Variants in CALN1 observed in about 807,000 individuals in gnomAD.
CALN1 encodes the protein calcium-binding protein 8.
A neutral mutation model predicts 30.6 loss-of-function variants in CALN1; 17 were observed. The ratio of observed to expected loss-of-function variants is 0.56; its 90% CI spans 0.38 to 0.83. CALN1 has a LOEUF of 0.83. Ranked by LOEUF, CALN1 falls within the 40% of genes least tolerant of loss-of-function variation. The pLI, the probability that CALN1 is intolerant of heterozygous loss-of-function variation, is 0.00. For missense variants in CALN1, 291 were observed against 354.9 expected, an observed-to-expected ratio of 0.82 and a Z score of 1.45; for synonymous variants, 156 against 131.4, an observed-to-expected ratio of 1.19 and a Z score of -1.28.
intron 4 of CALN1, among the ~76,000 whole-genome samples, chr7:72,039,619 C>T (rs770932264): frequency 1.3e-5 from 2 of 152,302 alleles, no homozygotes. Flanking sequence ...TCAGGGTCTC[C>T]CCCACCACCA....
intron 3 of CALN1, among the ~76,000 whole-genome samples, chr7:72,132,307 T>G (rs184044305): frequency 8.5e-4 from 129 of 152,220 alleles, no homozygotes; most frequent in Non-Finnish European, 1.5e-3. Flanking sequence ...TAAGGCCAAT[T>G]TTATAATAAA....
chr7:72,136,351 G>A (rs1809512046), intron 3 of CALN1, among the ~76,000 whole-genome samples: 1 of 152,086 alleles, frequency 6.6e-6, no homozygotes, highest in Non-Finnish European at 1.5e-5. Flanking sequence ...ACCTTTGCTA[G>A]CGTCAAACTT....
intron 2 of CALN1, among the ~76,000 whole-genome samples, chr7:72,332,675 G>A (rs1801754716): frequency 6.6e-6 from 1 of 152,214 alleles, no homozygotes; most frequent in Admixed American, 6.5e-5. Flanking sequence ...TGGTTCTTCA[G>A]GGATGTTCTT....
intron 3 of CALN1, among the ~76,000 whole-genome samples, chr7:72,264,608 C>T (rs563744474): frequency 3.9e-5 from 6 of 151,948 alleles, no homozygotes; most frequent in African/African-American, 1.4e-4. Context: ...TCAAGCAATT[C>T]TCCAGCCTCA....
At chr7:72,140,621 T>C (rs547970697) in intron 3 of CALN1, among the ~76,000 whole-genome samples, 2 of 152,358 alleles carry the variant, frequency 1.3e-5, no homozygotes, top group East Asian at 3.9e-4. Flanking sequence ...TCTGGGCCTA[T>C]GTGGCCTATG....
rs116246941 is a variant in CALN1, at chr7:72,356,459, G to A, written c.119+46792C>T. Reference sequence around the variant, plus strand: ...CTTTAGATACAACTTGTATTAAAGTGATAAATGTACTAATTTAGGATATAT... The same window carrying A: ...CTTTAGATACAACTTGTATTAAAGTAATAAATGTACTAATTTAGGATATAT... On this transcript the variant is annotated intron_variant, in intron 2 of 6. Transcript: ENST00000395275. 1.2e-3 allele frequency among the ~76,000 whole-genome samples: 187 copies of A among 152,066 alleles called. 6 individuals are homozygous for A. The highest frequency in any genetic ancestry group is 4.3e-3 in the African/African-American group (178 of 41,358).
intron 3 of CALN1, among the ~76,000 whole-genome samples, chr7:72,121,243 TTATAA>T (rs1808362191): frequency 7.1e-6 from 1 of 141,528 alleles, no homozygotes; most frequent in Non-Finnish European, 1.5e-5. Context: ...AATTAATATA[TTATAA>T]TACATATCTA....
chr7:72,136,370 C>T (rs1457628214), intron 3 of CALN1, among the ~76,000 whole-genome samples: 5 of 152,110 alleles, frequency 3.3e-5, no homozygotes, highest in African/African-American at 1.2e-4. Flanking sequence ...TTTTTTTCTG[C>T]AGCTTCCTTT....
At chr7:72,400,263 CTGATT>C (rs1562949069) in intron 2 of CALN1, among the ~76,000 whole-genome samples, 1 of 152,148 alleles carries the variant, frequency 6.6e-6, no homozygotes, top group Non-Finnish European at 1.5e-5. Context: ...TTGGGCACTA[CTGATT>C]TGATCTGGAG....
intron 1 of CALN1, among the ~76,000 whole-genome samples, chr7:72,404,193 C>T (rs929401724): frequency 2.0e-4 from 31 of 152,316 alleles, no homozygotes; most frequent in Admixed American, 2.0e-3. Context: ...TAAGGCACCC[C>T]TCGTCTCTGC....
chr7:72,063,919 A>C (rs1803838417), intron 4 of CALN1, among the ~76,000 whole-genome samples: 1 of 152,140 alleles, frequency 6.6e-6, no homozygotes, highest in South Asian at 2.1e-4. Flanking sequence ...AGGAATACTC[A>C]ACCTGCATAG....
the CALN1 span, among the ~76,000 whole-genome samples, chr7:72,467,097 C>T: frequency 6.6e-6 from 1 of 152,092 alleles, no homozygotes; most frequent in South Asian, 2.1e-4. Context: ...GCAGGCCCTG[C>T]AGCAGGTCTA....
At chr7:72,034,353 CAAAAA>C (rs34276736) in intron 4 of CALN1, among the ~76,000 whole-genome samples, 4 of 90,406 alleles carry the variant, frequency 4.4e-5, no homozygotes, top group Admixed American at 1.3e-4. Context: ...GACTCTGTCT[CAAAAA>C]AAAAAAAAAA....
chr7:72,410,872 C>G (rs910861949), intron 1 of CALN1, among the ~76,000 whole-genome samples: 2 of 152,152 alleles, frequency 1.3e-5, no homozygotes, highest in Non-Finnish European at 2.9e-5. Flanking sequence ...AGGATGTTTA[C>G]TATCTCTGCT....
At chr7:72,298,563 C>G (rs374330229) in intron 2 of CALN1, among the ~76,000 whole-genome samples, 114 of 152,238 alleles carry the variant, frequency 7.5e-4, no homozygotes, top group African/African-American at 2.7e-3. Flanking sequence ...TGATCAAAAG[C>G]TGAGGTTTCT....
At chr7:72,351,524 T>C (rs1396140236) in intron 2 of CALN1, among the ~76,000 whole-genome samples, 1 of 152,220 alleles carries the variant, frequency 6.6e-6, no homozygotes. Flanking sequence ...TTATAAGACA[T>C]GTATAAGTAA....
chr7:72,055,957 C>T (rs1803229705), intron 4 of CALN1, among the ~76,000 whole-genome samples: 1 of 152,174 alleles, frequency 6.6e-6, no homozygotes, highest in African/African-American at 2.4e-5. Flanking sequence ...GCAGCTGAGG[C>T]TGCAGTGAGC....
chr7:72,393,653 G>C (rs983724009), intron 2 of CALN1, among the ~76,000 whole-genome samples: 1 of 151,630 alleles, frequency 6.6e-6, no homozygotes, highest in Non-Finnish European at 1.5e-5. Context: ...AATGCCAAAA[G>C]AATAGGTATA....
chr7:72,016,429 T>C (rs1291082313), intron 5 of CALN1, among the ~76,000 whole-genome samples: 2 of 151,674 alleles, frequency 1.3e-5, no homozygotes, highest in Middle Eastern at 3.2e-3. Flanking sequence ...ATTTTATTTA[T>C]TTTATTATTA....
Sources: allele counts gnomAD v4.1 joint callset (sites outside exome capture counted in the v4.1 genomes callset), GRCh38; gene constraint gnomAD v4.1.1; transcripts MANE v1.5; gene names NCBI Gene and HGNC (gene_info 2026-07-23, HGNC 2026-07-21).